SEZ6L: variants seen among roughly 807,000 people sequenced by gnomAD.
The protein encoded by SEZ6L is seizure related 6 homolog like, also known as seizure 6-like protein.
In SEZ6L, 37 loss-of-function variants were observed where a neutral mutation model predicts 106.2. The ratio of observed to expected loss-of-function variants is 0.35; its 90% CI spans 0.27 to 0.46. The LOEUF (loss-of-function observed/expected upper bound fraction) is 0.46, where lower values mean the gene tolerates loss of function less well. SEZ6L is among the 20% of genes least tolerant of loss of function. SEZ6L has a pLI of 1.00. For synonymous variants in SEZ6L, 541 were observed against 570.4 expected, an observed-to-expected ratio of 0.95 and a Z score of 0.73; for missense variants, 1,172 against 1,332.8, an observed-to-expected ratio of 0.88 and a Z score of 1.88.
chr22:26,292,820 C>G lies in SEZ6L; in HGVS notation c.509C>G (p.Pro170Arg). Reference sequence around the variant, plus strand: ...GAGAAGCCTGGCCCACCGGGGGACCCGGACCCCATCGTGGCCTCCGAGGAG... The same window carrying G: ...GAGAAGCCTGGCCCACCGGGGGACCGGGACCCCATCGTGGCCTCCGAGGAG... ...STEKPGPPGD[P>R]DPIVASEEAS... Residue 170 changes from proline (P) to arginine (R), a missense_variant, in exon 2 of 17, where the codon CCG (proline) becomes CGG (arginine). Pro to Arg is a moderately radical substitution (Grantham distance 103). This residue lies in a region of SEZ6L where 494 missense variants were observed against 445.8 expected (regional missense o/e 1.11). Coordinates refer to ENST00000248933, the MANE Select transcript of SEZ6L (RefSeq NM_021115.5). 6.2e-7 allele frequency: 1 copy of G among 1,613,962 alleles called. No homozygotes were observed. The highest frequency in any genetic ancestry group is 2.2e-5 in the East Asian group (1 of 44,872).
intron 9 of SEZ6L, among the ~76,000 whole-genome samples, chr22:26,337,706 G>A (rs951770790): frequency 1.3e-5 from 2 of 152,178 alleles, no homozygotes; most frequent in Non-Finnish European, 2.9e-5. Context: ...TGTCAGGGGG[G>A]TAGGAGGAGT....
chr22:26,346,355 A>T (rs575010096), intron 10 of SEZ6L, among the ~76,000 whole-genome samples: 7 of 152,248 alleles, frequency 4.6e-5, no homozygotes, highest in Admixed American at 3.3e-4. Flanking sequence ...TTTTATTTTG[A>T]TAGCTAATTA....
At chr22:26,304,414 AAG>A (rs2081568207) in intron 5 of SEZ6L, among the ~76,000 whole-genome samples, 1 of 148,772 alleles carries the variant, frequency 6.7e-6, no homozygotes, top group African/African-American at 2.5e-5. Context: ...GAAAGAAAGA[AAG>A]AAAGAAAGAA....
chr22:26,313,373 T>G (rs959693829), intron 8 of SEZ6L, among the ~76,000 whole-genome samples: 1 of 152,118 alleles, frequency 6.6e-6, no homozygotes, highest in African/African-American at 2.4e-5. Flanking sequence ...GAGGCAAGAT[T>G]GGGACCCCGG....
chr22:26,212,736 T>G (rs907923331), intron 1 of SEZ6L, among the ~76,000 whole-genome samples: 2 of 152,108 alleles, frequency 1.3e-5, no homozygotes, highest in Admixed American at 6.5e-5. Flanking sequence ...ATAAGGGCCT[T>G]GAAAGTAGAC....
chr22:26,214,913 A>G (rs2078256847), intron 1 of SEZ6L, among the ~76,000 whole-genome samples: 1 of 152,204 alleles, frequency 6.6e-6, no homozygotes, highest in African/African-American at 2.4e-5. Context: ...ATAAAGGAAT[A>G]CATTTAGAGT....
intron 1 of SEZ6L, among the ~76,000 whole-genome samples, chr22:26,289,302 G>C (rs184404883): frequency 6.6e-6 from 1 of 152,240 alleles, no homozygotes; most frequent in East Asian, 1.9e-4. Flanking sequence ...AGTCTACAAA[G>C]ATGGTCAACA....
intron 1 of SEZ6L, among the ~76,000 whole-genome samples, chr22:26,208,861 T>TGC (rs1941448490): frequency 1.0e-5 from 1 of 99,434 alleles, no homozygotes; most frequent in Non-Finnish European, 2.0e-5. Flanking sequence ...TGTGTGTGTG[T>TGC]GTGTGTGTGT....
At chr22:26,346,245 T>G (rs1329736909) in intron 10 of SEZ6L, among the ~76,000 whole-genome samples, 2 of 152,282 alleles carry the variant, frequency 1.3e-5, no homozygotes, top group Middle Eastern at 3.4e-3. Context: ...TCTCCCTACA[T>G]TGTCCAAGCT....
chr22:26,306,570 C>T (rs77934670), intron 6 of SEZ6L, among the ~76,000 whole-genome samples: 5,934 of 152,094 alleles, frequency 0.039, 405 homozygotes, highest in African/African-American at 0.14. Flanking sequence ...AAAAACTAGA[C>T]GTATGCACAT....
Position 26,355,230 on chromosome 22 carries a change from G to A in SEZ6L, c.2599+3987G>A, listed in dbSNP as rs575415060. Among the ~76,000 whole-genome samples, 4 of 152,292 alleles carry A rather than the reference G, an allele frequency of 2.6e-5. No homozygotes were observed. In the South Asian group the frequency reaches 6.2e-4, roughly 24 times the overall value. On this transcript the variant is annotated intron_variant, in intron 12 of 16. Coordinates refer to ENST00000248933, the MANE Select transcript of SEZ6L (RefSeq NM_021115.5). ...TGAATGCCTGTCCACTTAAAAGCAG[G>A]CAAAGAAGGACTGGAGAGGGTGAGT...
At chr22:26,272,724 T>C (rs617016) in intron 1 of SEZ6L, among the ~76,000 whole-genome samples, 44,353 of 152,168 alleles carry the variant, frequency 0.29, 7,227 homozygotes, top group Non-Finnish European at 0.37. Flanking sequence ...GATGAATGAA[T>C]GAATTCATGA....
intron 5 of SEZ6L, 73 bp from the exon 6 acceptor site, chr22:26,305,894 CTCTCTCTCTCTT>C: frequency 4.4e-6 from 6 of 1,355,906 alleles, no homozygotes; most frequent in Non-Finnish European, 6.1e-6. Flanking sequence ...TTCCTTCTCT[CTCTCTCTCTCTT>C]TCTCTCTGTC....
chr22:26,262,287 T>TATCTATCTA (rs2080041131), intron 1 of SEZ6L, among the ~76,000 whole-genome samples: 1 of 151,718 alleles, frequency 6.6e-6, no homozygotes, highest in Admixed American at 6.6e-5. Flanking sequence ...TATCTATCTC[T>TATCTATCTA]TTTAAAAAGA....
intron 9 of SEZ6L, among the ~76,000 whole-genome samples, chr22:26,318,384 T>C (rs2082064393): frequency 6.9e-6 from 1 of 145,786 alleles, no homozygotes; most frequent in South Asian, 2.3e-4. Flanking sequence ...ATAATTTCAA[T>C]TTTTAAAAAT....
At chr22:26,241,439 G>T (rs899996037) in intron 1 of SEZ6L, 3 of 152,202 alleles carry the variant, frequency 2.0e-5, no homozygotes, top group African/African-American at 7.2e-5. Flanking sequence ...AAAGGGAAAT[G>T]TCACCTTCTT....
At chr22:26,180,353 A>G (rs1762186675) in intron 1 of SEZ6L, among the ~76,000 whole-genome samples, 2 of 152,204 alleles carry the variant, frequency 1.3e-5, no homozygotes, top group African/African-American at 4.8e-5. Context: ...TCATCATTGT[A>G]ACTATCTGTT....
intron 1 of SEZ6L, among the ~76,000 whole-genome samples, chr22:26,217,337 T>C (rs2078327396): frequency 6.6e-6 from 1 of 152,216 alleles, no homozygotes; most frequent in African/African-American, 2.4e-5. Flanking sequence ...GTCCTGGCTA[T>C]CTTCTGTATC....
At chr22:26,240,137 T>G (rs1284646325) in intron 1 of SEZ6L, among the ~76,000 whole-genome samples, 1 of 151,252 alleles carries the variant, frequency 6.6e-6, no homozygotes, top group Non-Finnish European at 1.5e-5. Context: ...CATCTTGCCT[T>G]GGGCTGGGCA....
Sources: gnomAD v4.1 joint callset for allele counts (sites outside exome capture counted in the v4.1 genomes callset) on GRCh38, gnomAD v4.1.1 for gene constraint, gnomAD v4.1.1 regional missense constraint, MANE v1.5 for transcripts, NCBI Gene and HGNC (gene_info 2026-07-23, HGNC 2026-07-21) for gene names.